TMED3: variants seen among roughly 807,000 people sequenced by gnomAD.
TMED3 encodes the protein transmembrane p24 trafficking protein 3.
Under a neutral mutation model 15.0 loss-of-function variants are expected in TMED3, and 9 were observed. That is an observed-to-expected ratio of 0.60 (90% CI 0.36 to 1.04). The LOEUF is 1.04. TMED3 is among the 50% of genes least tolerant of loss of function. TMED3 has a pLI of 0.01. For synonymous variants in TMED3, 117 were observed against 121.4 expected, an observed-to-expected ratio of 0.96 and a Z score of 0.24; for missense variants, 267 against 278.9, an observed-to-expected ratio of 0.96 and a Z score of 0.30.
At chr15:79,331,588 A>G (rs12101766) in intron 2 of TMED3, among the ~76,000 whole-genome samples, 1 of 151,890 alleles carries the variant, frequency 6.6e-6, no homozygotes, top group East Asian at 1.9e-4. Flanking sequence ...AAAAGTCTAC[A>G]CAGCAAAAGA....
intron 2 of TMED3, among the ~76,000 whole-genome samples, chr15:79,400,008 C>A (rs1893812893): frequency 6.6e-6 from 1 of 152,218 alleles, no homozygotes; most frequent in Non-Finnish European, 1.5e-5. Flanking sequence ...CTGTCCTCAA[C>A]ATCAATGGCT....
chr15:79,411,189 T>C (rs774624899), intron 2 of TMED3, among the ~76,000 whole-genome samples: 3 of 152,188 alleles, frequency 2.0e-5, no homozygotes, highest in Non-Finnish European at 4.4e-5. Flanking sequence ...ATTTATCTTG[T>C]GGTTCCCAAG....
intron 2 of TMED3, among the ~76,000 whole-genome samples, chr15:79,397,636 T>A (rs1377142328): frequency 6.6e-6 from 1 of 152,236 alleles, no homozygotes; most frequent in Non-Finnish European, 1.5e-5. Flanking sequence ...ATTTAGTTAA[T>A]CTGCTTTGCA....
At chr15:79,408,095 G>C (rs1246985870) in intron 2 of TMED3, among the ~76,000 whole-genome samples, 1 of 152,200 alleles carries the variant, frequency 6.6e-6, no homozygotes, top group Non-Finnish European at 1.5e-5. Flanking sequence ...ATAAAAATGG[G>C]AGGTATAATT....
At chr15:79,364,619 A>C (rs62025982) in intron 2 of TMED3, among the ~76,000 whole-genome samples, 61,299 of 150,852 alleles carry the variant, frequency 0.41, 12,611 homozygotes, top group East Asian at 0.53. Context: ...CCAGGAGCAG[A>C]CAAGCAGATG....
chr15:79,327,212 G>A (rs1167045660), downstream of TMED3, among the ~76,000 whole-genome samples: 1 of 152,190 alleles, frequency 6.6e-6, no homozygotes, highest in Non-Finnish European at 1.5e-5. Context: ...CCAAACTATA[G>A]TGGGTCCCTA....
chr15:79,312,613 T>C (rs2058720647), intron 1 of TMED3, among the ~76,000 whole-genome samples: 1 of 152,228 alleles, frequency 6.6e-6, no homozygotes, highest in African/African-American at 2.4e-5. Flanking sequence ...CCGTGTCCTT[T>C]GATGGATCTT....
intron 2 of TMED3, among the ~76,000 whole-genome samples, chr15:79,353,272 T>A (rs866992723): frequency 1.8e-5 from 1 of 55,130 alleles, no homozygotes; most frequent in African/African-American, 8.1e-5. Flanking sequence ...TTATATATAA[T>A]ATATATAATA....
At chr15:79,325,390 G>C (rs1161243026), downstream of TMED3, among the ~76,000 whole-genome samples, 1 of 152,124 alleles carries the variant, frequency 6.6e-6, no homozygotes, top group Non-Finnish European at 1.5e-5. Context: ...AATCCTCGAG[G>C]CCTAGACAAC....
intron 2 of TMED3, among the ~76,000 whole-genome samples, chr15:79,317,129 G>A (rs767455956): frequency 3.3e-5 from 5 of 152,170 alleles, no homozygotes; most frequent in Admixed American, 6.5e-5. Flanking sequence ...CTGTTGCTCC[G>A]TTACCCTCTT....
At chr15:79,352,882 C>T (rs2058897158) in intron 2 of TMED3, among the ~76,000 whole-genome samples, 3 of 90,092 alleles carry the variant, frequency 3.3e-5, no homozygotes, top group South Asian at 3.8e-4. Flanking sequence ...ATAAAATATA[C>T]ATATAATATA....
chr15:79,383,116 G>A, intron 2 of TMED3: 1 of 1,215,746 alleles, frequency 8.2e-7, no homozygotes, highest in Non-Finnish European at 1.2e-6. Flanking sequence ...GGTACCCACA[G>A]CTTTACTGCC....
chr15:79,375,861 C>A (rs750027928), intron 2 of TMED3, among the ~76,000 whole-genome samples: 1 of 152,148 alleles, frequency 6.6e-6, no homozygotes, highest in Non-Finnish European at 1.5e-5. Context: ...TTTTATGTGA[C>A]ATCAGAAGCC....
chr15:79,406,937 T>C (rs1893910247), intron 2 of TMED3, among the ~76,000 whole-genome samples: 4 of 152,218 alleles, frequency 2.6e-5, no homozygotes, highest in Admixed American at 2.6e-4. Flanking sequence ...CATTTTCTAG[T>C]GTCAGTCCAG....
intron 2 of TMED3, among the ~76,000 whole-genome samples, chr15:79,405,295 C>T (rs1421658425): frequency 4.6e-5 from 7 of 152,092 alleles, no homozygotes; most frequent in South Asian, 4.1e-4. Flanking sequence ...CCAGAGAATC[C>T]ACAGAGCATC....
At chr15:79,337,144 A>G (rs1309909937) in intron 2 of TMED3, among the ~76,000 whole-genome samples, 4 of 152,214 alleles carry the variant, frequency 2.6e-5, no homozygotes, top group African/African-American at 9.7e-5. Flanking sequence ...GTGGCTTAGA[A>G]CAGAAATTAA....
intron 2 of TMED3, among the ~76,000 whole-genome samples, chr15:79,332,079 A>C (rs1325186454): frequency 1.3e-5 from 2 of 152,230 alleles, no homozygotes; most frequent in Non-Finnish European, 2.9e-5. Flanking sequence ...ATAAATAAGA[A>C]AGAAAAGGAT....
intron 2 of TMED3, among the ~76,000 whole-genome samples, chr15:79,347,402 A>G (rs761240143): frequency 5.3e-5 from 8 of 152,214 alleles, no homozygotes; most frequent in East Asian, 3.8e-4. Flanking sequence ...AGAGCCATCT[A>G]TGACAAACCC....
intron 2 of TMED3, among the ~76,000 whole-genome samples, chr15:79,320,274 C>G (rs1045746409): frequency 6.6e-6 from 1 of 152,154 alleles, no homozygotes; most frequent in African/African-American, 2.4e-5. Flanking sequence ...GCTCCTATCT[C>G]TGTGTGGCCT....
Sources: allele counts gnomAD v4.1 joint callset (sites outside exome capture counted in the v4.1 genomes callset), GRCh38; gene constraint gnomAD v4.1.1; transcripts MANE v1.5; gene names NCBI Gene and HGNC (gene_info 2026-07-23, HGNC 2026-07-21).